The following PTPRN2 variants were observed in gnomAD, a reference collection of about 807,000 sequenced individuals.
PTPRN2 encodes the protein protein tyrosine phosphatase receptor type N2, also known as receptor-type tyrosine-protein phosphatase N2.
In PTPRN2, 74 loss-of-function variants were observed where a neutral mutation model predicts 118.8. That is an observed-to-expected ratio of 0.62 (90% CI 0.52 to 0.76). The LOEUF (loss-of-function observed/expected upper bound fraction) is 0.76, where lower values mean the gene tolerates loss of function less well. PTPRN2 is among the 30% of genes least tolerant of loss of function. The pLI, the probability that PTPRN2 is intolerant of heterozygous loss-of-function variation, is 0.00. For synonymous variants in PTPRN2, 641 were observed against 608.0 expected (o/e 1.05, Z -0.80); for missense variants, 1,481 against 1,394.4 (o/e 1.06, Z -0.99).
intron 6 of PTPRN2, among the ~76,000 whole-genome samples, chr7:158,162,924 G>A (rs984176019): frequency 5.3e-5 from 8 of 152,314 alleles, no homozygotes; most frequent in African/African-American, 1.9e-4. Context: ...CGTGCGACAG[G>A]AGGGTGGCCC....
chr7:158,249,001 ATG>A (rs1796460789), intron 3 of PTPRN2, among the ~76,000 whole-genome samples: 1 of 150,906 alleles, frequency 6.6e-6, no homozygotes, highest in Non-Finnish European at 1.5e-5. Context: ...CACATCACAC[ATG>A]CAGCACATAT....
intron 9 of PTPRN2, among the ~76,000 whole-genome samples, chr7:158,118,160 C>G (rs1290832553): frequency 6.6e-6 from 1 of 152,068 alleles, no homozygotes; most frequent in Admixed American, 6.6e-5. Flanking sequence ...ATTTTGTTTT[C>G]TACATAATTT....
Position 157,627,380 on chromosome 7 carries a change from G to A in PTPRN2, c.2197-5871C>T, listed in dbSNP as rs1803652071. Among the ~76,000 whole-genome samples the A allele has an allele frequency of 1.3e-5, 2 of 152,228 alleles. No individual in the cohort carries two copies. Among genetic ancestry groups the A allele is most frequent in the African/African-American group, 4.8e-5 (2 of 41,450 alleles). Reference sequence around the variant, plus strand: ...AGTGAAGGCGGGATTGCACCACAATGCGTGCTCACATCAGGAAATCCATGA... The same window carrying A: ...AGTGAAGGCGGGATTGCACCACAATACGTGCTCACATCAGGAAATCCATGA... On this transcript the variant is annotated intron_variant, in intron 14 of 22. Transcript: ENST00000389418. This position sits in a 1 kb window ranked among gnomAD's most constrained non-coding sequence, Gnocchi z 4.2.
chr7:158,192,538 G>C, intron 4 of PTPRN2, 43 bp from the exon 5 acceptor site: 5 of 1,551,600 alleles, frequency 3.2e-6, no homozygotes, highest in Non-Finnish European at 4.3e-6. Flanking sequence ...CATGTTTGCT[G>C]GTGCCTGGAG....
intron 2 of PTPRN2, among the ~76,000 whole-genome samples, chr7:158,359,698 A>G (rs1808694567): frequency 6.6e-6 from 1 of 152,224 alleles, no homozygotes; most frequent in Non-Finnish European, 1.5e-5. Flanking sequence ...GCTGACAAAC[A>G]TTAATGAGCA....
intron 2 of PTPRN2, among the ~76,000 whole-genome samples, chr7:158,484,768 G>A (rs577334147): frequency 6.6e-6 from 1 of 152,304 alleles, no homozygotes; most frequent in East Asian, 1.9e-4. Context: ...GTGTGCCGGT[G>A]CTTCCTGCCT....
At chr7:158,023,953 G>A (rs936621586) in intron 11 of PTPRN2, among the ~76,000 whole-genome samples, 8 of 151,960 alleles carry the variant, frequency 5.3e-5, no homozygotes, top group Admixed American at 3.3e-4. Flanking sequence ...CACACATGCC[G>A]GCACACACAC....
intron 21 of PTPRN2, among the ~76,000 whole-genome samples, chr7:157,553,398 G>A (rs955188593): frequency 6.6e-6 from 1 of 152,170 alleles, no homozygotes; most frequent in Non-Finnish European, 1.5e-5. Flanking sequence ...TAGCAGGTGT[G>A]GGCGAGGAAG....
chr7:158,386,835 T>C (rs1317023913), intron 2 of PTPRN2, among the ~76,000 whole-genome samples: 2 of 152,178 alleles, frequency 1.3e-5, no homozygotes, highest in Admixed American at 6.5e-5. Context: ...TCCAGAGTTT[T>C]AGCAAATCTG....
chr7:158,294,728 C>T (rs980159253), intron 3 of PTPRN2, among the ~76,000 whole-genome samples: 10 of 152,324 alleles, frequency 6.6e-5, no homozygotes, highest in African/African-American at 2.4e-4. Flanking sequence ...GAGCACGGGT[C>T]GCCCAGAATT....
intron 3 of PTPRN2, among the ~76,000 whole-genome samples, chr7:158,253,165 T>C (rs4909152): frequency 0.8 from 122,294 of 152,146 alleles, 49,558 homozygotes; most frequent in African/African-American, 0.9. Flanking sequence ...CCTTTTCTTC[T>C]AATAAACTGG....
At chr7:158,373,179 A>G (rs1280221100) in intron 2 of PTPRN2, among the ~76,000 whole-genome samples, 2 of 152,274 alleles carry the variant, frequency 1.3e-5, no homozygotes, top group African/African-American at 2.4e-5. Flanking sequence ...CTAATATGAC[A>G]GCAGATGTGC....
rs542138050 is a variant in PTPRN2, at chr7:158,526,406, CG to C, written c.113-36622del. 4.3e-4 allele frequency among the ~76,000 whole-genome samples: 66 copies of C among 152,306 alleles called. No individual in the cohort carries two copies. The highest frequency in any genetic ancestry group is 1.4e-3 in the African/African-American group (59 of 41,576). ...AACCACCAGCCACTCTGAGCTAGGACGGGGCACAGGCAACCACGTTCCCACA... is the reference window on the plus strand; with the variant it reads ...AACCACCAGCCACTCTGAGCTAGGACGGGCACAGGCAACCACGTTCCCACA... On this transcript the variant is annotated intron_variant, in intron 1 of 22. Coordinates refer to ENST00000389418, the MANE Select transcript of PTPRN2 (RefSeq NM_002847.5). This position sits in a 1 kb window ranked among gnomAD's most constrained non-coding sequence, Gnocchi z 5.2.
At position 158,048,188 on chromosome 7, in the gene PTPRN2, T is replaced by C. The variant is rs1465096138; in HGVS notation, c.1723+33110A>G. Among the ~76,000 whole-genome samples, 3 of 152,182 alleles carry C rather than the reference T, an allele frequency of 2.0e-5. No homozygotes were observed. The East Asian group carries it at 5.8e-4, about 29-fold the overall frequency. On this transcript the variant is annotated intron_variant, in intron 11 of 22. Transcript: ENST00000389418. The stretch of plus-strand genomic sequence containing the variant: ...ACCATTCTTTCAACTTTTCTGTTTG[T>C]ATATTTTCATCATAAAATATTGGGG...
At chr7:157,713,008 G>A (rs1051896995) in intron 12 of PTPRN2, among the ~76,000 whole-genome samples, 3 of 152,166 alleles carry the variant, frequency 2.0e-5, no homozygotes, top group Non-Finnish European at 4.4e-5. Flanking sequence ...TGGTGAGGGC[G>A]GCCTCGGGCA....
intron 3 of PTPRN2, among the ~76,000 whole-genome samples, chr7:158,246,074 T>C (rs1164854997): frequency 2.6e-5 from 4 of 152,012 alleles, no homozygotes; most frequent in Admixed American, 1.3e-4. Context: ...TGACCCAGGA[T>C]TGTGTGAAAC....
At position 157,775,237 on chromosome 7, in the gene PTPRN2, G is replaced by C. The variant is rs141314047; in HGVS notation, c.1789-92300C>G. Among the ~76,000 whole-genome samples, 744 of 152,326 alleles carry C rather than the reference G, an allele frequency of 4.9e-3. 2 individuals are homozygous for C. Among genetic ancestry groups the C allele is most frequent in the Non-Finnish European group, 6.3e-3 (428 of 68,036 alleles). ...TGGCAACCACTCGCTCTCACCCTTC[G>C]GGTCTGCGGCAGCTACTGTCATATG... is the stretch of plus-strand genomic sequence containing the variant. On this transcript the variant is annotated intron_variant, in intron 12 of 22. Coordinates refer to ENST00000389418, the MANE Select transcript of PTPRN2 (RefSeq NM_002847.5).
intron 12 of PTPRN2, among the ~76,000 whole-genome samples, chr7:157,743,686 G>A (rs928208540): frequency 6.6e-6 from 1 of 150,604 alleles, no homozygotes; most frequent in African/African-American, 2.4e-5. Context: ...CTGGGGTAAC[G>A]ATCTCCAGGT....
At chr7:158,298,773 G>T (rs6954412) in intron 3 of PTPRN2, among the ~76,000 whole-genome samples, 99,580 of 151,986 alleles carry the variant, frequency 0.66, 33,035 homozygotes, top group Non-Finnish European at 0.71. Context: ...TCCTGGGGTT[G>T]CCTGTCCTCT....
Sources: allele counts gnomAD v4.1 joint callset (sites outside exome capture counted in the v4.1 genomes callset), GRCh38; gene constraint gnomAD v4.1.1; non-coding constraint Gnocchi (gnomAD v3.1); transcripts MANE v1.5; gene names NCBI Gene and HGNC (gene_info 2026-07-23, HGNC 2026-07-21).